The following HIVEP1 variants were observed in gnomAD, a reference collection of about 807,000 sequenced individuals.
The protein encoded by HIVEP1 is zinc finger protein 40.
Under a neutral mutation model 180.0 loss-of-function variants are expected in HIVEP1, and 36 were observed. The ratio of observed to expected loss-of-function variants is 0.20; its 90% CI spans 0.15 to 0.26. The LOEUF is 0.26. Among genes scored for constraint, HIVEP1 ranks in the 10% least tolerant of loss-of-function variants. HIVEP1 has a pLI of 1.00. For missense variants in HIVEP1, 3,143 were observed against 3,268.7 expected, an observed-to-expected ratio of 0.96 and a Z score of 0.94; for synonymous variants, 1,239 against 1,239.0, an observed-to-expected ratio of 1.00 and a Z score of 0.00.
intron 7 of HIVEP1, among the ~76,000 whole-genome samples, chr6:12,153,161 A>G (rs1189999494): frequency 6.6e-6 from 1 of 152,232 alleles, no homozygotes. Flanking sequence ...ACTTGTAATC[A>G]AATAATTATA....
chr6:12,067,804 G>A (rs571824901), intron 2 of HIVEP1, among the ~76,000 whole-genome samples: 36 of 152,214 alleles, frequency 2.4e-4, no homozygotes, highest in African/African-American at 8.7e-4. Flanking sequence ...ATTAGGTTAT[G>A]TGGGGTACAA....
At chr6:12,020,338 A>C in intron 2 of HIVEP1, 1 of 471,166 alleles carries the variant, frequency 2.1e-6, no homozygotes, top group Non-Finnish European at 4.4e-6. Context: ...TGGTGTTCAG[A>C]AGAAAGGCTT....
chr6:12,175,307 A>G, the HIVEP1 span, among the ~76,000 whole-genome samples: 1 of 152,208 alleles, frequency 6.6e-6, no homozygotes, highest in South Asian at 2.1e-4. Flanking sequence ...TTTACCAGCT[A>G]ATTGTCAAAT....
chr6:12,194,357 A>G, the HIVEP1 span, among the ~76,000 whole-genome samples: 1 of 151,218 alleles, frequency 6.6e-6, no homozygotes, highest in Non-Finnish European at 1.5e-5. Context: ...TCTAAAGGAG[A>G]GTACAGAGAG....
intron 2 of HIVEP1, among the ~76,000 whole-genome samples, chr6:12,085,728 G>A (rs1158466247): frequency 6.6e-6 from 1 of 152,076 alleles, no homozygotes; most frequent in African/African-American, 2.4e-5. Context: ...GAGATGGTGA[G>A]GGAGACCCTC....
At chr6:12,137,680 C>T (rs1377835744) in intron 7 of HIVEP1, among the ~76,000 whole-genome samples, 2 of 151,668 alleles carry the variant, frequency 1.3e-5, no homozygotes, top group African/African-American at 4.8e-5. Context: ...TTGCCAAGTG[C>T]TGTGTCATGC....
chr6:12,211,694 A>G, the HIVEP1 span, among the ~76,000 whole-genome samples: 1 of 152,052 alleles, frequency 6.6e-6, no homozygotes, highest in Non-Finnish European at 1.5e-5. Flanking sequence ...AAACTAACAA[A>G]TCCCACAAAA....
chr6:12,116,608 C>G lies in HIVEP1; in HGVS notation c.95-3282C>G, dbSNP rs1012301400. On this transcript the variant is annotated intron_variant, in intron 3 of 8. Transcript: ENST00000379388. ...GTCCAGGGTCATCTCACTACCTCCT[C>G]CCCTCCCAAGCACCAGTGGTAGAGT... Among the ~76,000 whole-genome samples, 17 of 152,130 alleles carry G rather than the reference C, an allele frequency of 1.1e-4. 1 individual carries two copies. Among genetic ancestry groups the G allele is most frequent in the African/African-American group, 3.6e-4 (15 of 41,402 alleles).
chr6:12,185,591 G>C, the HIVEP1 span, among the ~76,000 whole-genome samples: 2 of 152,132 alleles, frequency 1.3e-5, no homozygotes, highest in African/African-American at 2.4e-5. Context: ...CTTAAAAGTA[G>C]GACTGACAAC....
downstream of HIVEP1, among the ~76,000 whole-genome samples, chr6:12,167,674 A>ATATACG: frequency 4.3e-5 from 1 of 23,216 alleles, no homozygotes; most frequent in East Asian, 1.2e-3. Context: ...ACATATATAC[A>ATATACG]TATATGTGTA....
At chr6:12,034,791 C>G (rs1769172968) in intron 2 of HIVEP1, among the ~76,000 whole-genome samples, 4 of 152,152 alleles carry the variant, frequency 2.6e-5, no homozygotes, top group Admixed American at 2.6e-4. Flanking sequence ...AATTTGGGGT[C>G]AGAGACTTGG....
chr6:12,137,057 C>T (rs1468694978), intron 7 of HIVEP1, among the ~76,000 whole-genome samples: 2 of 152,132 alleles, frequency 1.3e-5, no homozygotes, highest in Admixed American at 6.5e-5. Flanking sequence ...CATTTAATCC[C>T]TGTAACACAC....
downstream of HIVEP1, among the ~76,000 whole-genome samples, chr6:12,166,876 C>T (rs879943235): frequency 1.3e-5 from 2 of 152,102 alleles, no homozygotes; most frequent in Non-Finnish European, 2.9e-5. Flanking sequence ...AATTTCAATA[C>T]CTTGTGTGAA....
intron 7 of HIVEP1, among the ~76,000 whole-genome samples, chr6:12,140,414 A>G (rs1003506986): frequency 6.6e-6 from 1 of 152,246 alleles, no homozygotes; most frequent in Non-Finnish European, 1.5e-5. Context: ...GATGGGGAGA[A>G]ACCAGACCAG....
At chr6:12,023,170 C>T (rs929494957) in intron 2 of HIVEP1, among the ~76,000 whole-genome samples, 1 of 152,118 alleles carries the variant, frequency 6.6e-6, no homozygotes, top group African/African-American at 2.4e-5. Flanking sequence ...GAAGCCCAGC[C>T]GGGGTTTCAG....
At position 12,161,572 on chromosome 6, in the gene HIVEP1, C is replaced by G. The variant is rs377073974; in HGVS notation, c.6621C>G (p.Pro2207=). Residue 2207 remains proline, a synonymous_variant, in exon 8 of 9, where the codon CCC becomes CCG. Transcript: ENST00000379388. ...CTGAATCAGTCCTGTCAGCCACACC[C>G]TCAGTCACAGCTAGCCCGCAGCACC... ...SQAESVLSAT[P]SVTASPQHLP... is the part of the protein sequence containing the mutation. 6.2e-7 allele frequency: 1 copy of G among 1,614,120 alleles called. No individual in the cohort carries two copies. The highest frequency in any genetic ancestry group is 8.5e-7 in the Non-Finnish European group (1 of 1,180,016).
intron 2 of HIVEP1, among the ~76,000 whole-genome samples, chr6:12,050,609 A>G (rs1770447231): frequency 6.6e-6 from 1 of 151,986 alleles, no homozygotes; most frequent in Non-Finnish European, 1.5e-5. Flanking sequence ...TAAAAAAATT[A>G]AACACCATGG....
the HIVEP1 span, among the ~76,000 whole-genome samples, chr6:12,174,632 TCAAAA>T: frequency 6.6e-6 from 1 of 152,064 alleles, no homozygotes; most frequent in Non-Finnish European, 1.5e-5. Flanking sequence ...TCTAAATCCT[TCAAAA>T]AAAGAAGAAG....
At chr6:12,109,569 C>T (rs1774750685) in intron 3 of HIVEP1, among the ~76,000 whole-genome samples, 2 of 152,236 alleles carry the variant, frequency 1.3e-5, no homozygotes, top group African/African-American at 4.8e-5. Flanking sequence ...GAAGCATCTC[C>T]TTATCCATTC....
Sources: gnomAD v4.1 joint callset for allele counts (sites outside exome capture counted in the v4.1 genomes callset) on GRCh38, gnomAD v4.1.1 for gene constraint, MANE v1.5 for transcripts, NCBI Gene and HGNC (gene_info 2026-07-23, HGNC 2026-07-21) for gene names.